Variants in TET1 observed in about 807,000 individuals in gnomAD.
TET1 encodes the protein tet methylcytosine dioxygenase 1, also known as methylcytosine dioxygenase TET1.
TET1 carries 13 observed loss-of-function variants against 148.7 expected under a neutral mutation model. The observed-to-expected ratio is 0.09, with a 90% CI of 0.06 to 0.14. The LOEUF is 0.14. Ranked by LOEUF, TET1 falls within the 10% of genes least tolerant of loss-of-function variation. The probability of loss-of-function intolerance (pLI) is 1.00; values close to 1 mark genes in which losing one functional copy is unlikely to be tolerated. For synonymous variants in TET1, 907 were observed against 937.2 expected (o/e 0.97, Z 0.59); for missense variants, 2,182 against 2,553.8 (o/e 0.85, Z 3.14).
intron 8 of TET1, chr10:68,673,538 C>G (rs920256138): frequency 7.6e-6 from 2 of 261,950 alleles, no homozygotes; most frequent in Admixed American, 4.8e-5. Context: ...AAGTTCAATA[C>G]TTATATATTA....
rs1409990134 is a variant in TET1 at position 68,673,934 on chromosome 10, TC to T, written c.4824+890del. On this transcript the variant is annotated intron_variant, in intron 8 of 11. Coordinates refer to ENST00000373644, the MANE Select transcript of TET1 (RefSeq NM_030625.3). Reference sequence around the variant, plus strand: ...TTTTTTTATCAGATTTCTTTCTTTTTCTTTTTTTTTTTTCTTTTTCTTTTTC... The same window carrying T: ...TTTTTTTATCAGATTTCTTTCTTTTTTTTTTTTTTTTTCTTTTTCTTTTTC... Among the ~76,000 whole-genome samples the T allele has an allele frequency of 3.3e-3, 333 of 101,522 alleles. 1 individual carries two copies. Among genetic ancestry groups the T allele is most frequent in the African/African-American group, 0.016 (308 of 19,446 alleles). The allele number at this position is 101,522 out of a possible 152,430, so 66.6% of individuals were successfully genotyped here.
chr10:68,621,189 A>T (rs2054365029), intron 3 of TET1, among the ~76,000 whole-genome samples: 2 of 152,110 alleles, frequency 1.3e-5, no homozygotes, highest in African/African-American at 4.8e-5. Flanking sequence ...TAATCCCAGC[A>T]ATTTGGGAAG....
At chr10:68,571,209 C>A (rs967294592) in intron 1 of TET1, among the ~76,000 whole-genome samples, 1 of 151,776 alleles carries the variant, frequency 6.6e-6, no homozygotes, top group Non-Finnish European at 1.5e-5. Context: ...AGGCTGGTCT[C>A]GAACTTCTGA....
At chr10:68,652,020 C>T (rs1272961981) in intron 5 of TET1, 84 bp downstream of exon 5, 1 of 1,264,926 alleles carries the variant, frequency 7.9e-7, no homozygotes, top group Non-Finnish European at 1.1e-6. Context: ...GAACAAACGC[C>T]GTGATTGAAA....
At chr10:68,655,863 G>A (rs2133130146) in intron 6 of TET1, among the ~76,000 whole-genome samples, 1 of 152,232 alleles carries the variant, frequency 6.6e-6, no homozygotes, top group East Asian at 1.9e-4. Context: ...CATGGCAGAA[G>A]GTGAGTGGCA....
rs778111044 is a variant in TET1 at position 68,573,735 on chromosome 10, T to C, written c.1397T>C (p.Ile466Thr). The change falls in exon 2 of 12, where the codon ATA (isoleucine) becomes ACA (threonine). Residue 466 changes from isoleucine (I) to threonine (T), a missense_variant. Physicochemically the swap from Ile to Thr is moderately conservative, Grantham distance 89. Transcript: ENST00000373644. ...TATGGACTTGCAGTCCAGGGTGCTA[T>C]ACAGATTTTGCCTTTGGGCTCAGGA... is the stretch of plus-strand genomic sequence containing the variant. ...VSYGLAVQGA[I>T]QILPLGSGHT... 6 of 1,614,088 alleles carry C rather than the reference T, an allele frequency of 3.7e-6. No individual in the cohort carries two copies. The highest frequency in any genetic ancestry group is 5.1e-6 in the Non-Finnish European group (6 of 1,180,036).
chr10:68,572,845 A>G lies in TET1; in HGVS notation c.507A>G (p.Ile169Met). 6.2e-7 allele frequency: 1 copy of G among 1,614,182 alleles called. No individual in the cohort carries two copies. The highest frequency in any genetic ancestry group is 8.5e-7 in the Non-Finnish European group (1 of 1,180,036). The change falls in exon 2 of 12, where the codon ATA becomes ATG. Residue 169 changes from isoleucine to methionine, a missense_variant. Ile to Met is a conservative substitution (Grantham distance 10). Around this residue, in one of 11 missense-constraint regions of TET1, gnomAD observed 665 missense variants for 672.4 expected, o/e 0.99. Coordinates refer to ENST00000373644, the MANE Select transcript of TET1 (RefSeq NM_030625.3). ...AAGACACCCAAGTCCTTCCTGATATAGAGACTCTAATTGGTGTACAAAATC... is the reference window on the plus strand; with the variant it reads ...AAGACACCCAAGTCCTTCCTGATATGGAGACTCTAATTGGTGTACAAAATC... ...PMQDTQVLPDIETLIGVQNPS... is the reference protein window; with the variant it reads ...PMQDTQVLPDMETLIGVQNPS...
chr10:68,598,439 T>TA (rs968325743), intron 2 of TET1, among the ~76,000 whole-genome samples: 22 of 151,936 alleles, frequency 1.4e-4, no homozygotes, highest in Non-Finnish European at 2.5e-4. Flanking sequence ...CATCACAATT[T>TA]AAAAAAAAAT....
rs764044033 is a variant in TET1 at position 68,600,952 on chromosome 10, G to A, written c.1915-29G>A. 1.0e-5 allele frequency: 16 copies of A among 1,592,298 alleles called. No individual in the cohort carries two copies. The South Asian group carries it at 1.6e-4, about 16-fold the overall frequency. The stretch of plus-strand genomic sequence containing the variant: ...GAGCTAATTTTATTTCTTAAACAGA[G>A]GCTCATTTTGCAATTTGATTTTTTT... On this transcript the variant is annotated intron_variant, in intron 2 of 11. Coordinates refer to ENST00000373644, the MANE Select transcript of TET1 (RefSeq NM_030625.3).
chr10:68,670,054 A>C (rs1295428250), intron 7 of TET1, among the ~76,000 whole-genome samples: 3 of 152,148 alleles, frequency 2.0e-5, no homozygotes, highest in Non-Finnish European at 4.4e-5. Context: ...TTCTTTCTTG[A>C]TCATTTGAGA....
intron 2 of TET1, among the ~76,000 whole-genome samples, chr10:68,586,641 G>GTT (rs34588085): frequency 2.0e-4 from 29 of 142,020 alleles, no homozygotes; most frequent in East Asian, 4.1e-4. Context: ...CCTCACATCA[G>GTT]TTTTTTTTTT....
chr10:68,596,027 C>CACACACACACACATAT (rs71470531), intron 2 of TET1, among the ~76,000 whole-genome samples: 1 of 61,734 alleles, frequency 1.6e-5, no homozygotes, highest in Non-Finnish European at 2.9e-5. Context: ...CACACACACA[C>CACACACACACACATAT]ATATATATAT....
rs771991819 is a variant in TET1 at position 68,572,986 on chromosome 10, G to A, written c.648G>A (p.Gly216=). ...GCCCTGCAGCTGAGATCCTTCCTGG[G>A]CCACTGGAAGGGACACGCTGTGGTG... ...HSGPAAEILP[G]PLEGTRCGEG... Residue 216 remains glycine (G), a synonymous_variant, in exon 2 of 12, where the codon GGG becomes GGA. Coordinates refer to ENST00000373644, the MANE Select transcript of TET1 (RefSeq NM_030625.3). 1.2e-6 allele frequency: 2 copies of A among 1,614,110 alleles called. No homozygotes were observed. The highest frequency in any genetic ancestry group is 1.7e-6 in the Non-Finnish European group (2 of 1,180,032).
Position 68,573,144 on chromosome 10 carries a change from A to G in TET1, c.806A>G (p.Gln269Arg). ...ACCTCTCAAGGAAACCCCAGCATTC[A>G]GTTAGAAGAGTTGGGTTCACGAGTA... ...KVTSQGNPSI[Q>R]LEELGSRVES... Residue 269 changes from glutamine (Q) to arginine (R), a missense_variant, in exon 2 of 12, where the codon CAG becomes CGG. Gln to Arg is a conservative substitution (Grantham distance 43, BLOSUM62 1). This residue lies in a region of TET1 where 665 missense variants were observed against 672.4 expected (regional missense o/e 0.99). Transcript: ENST00000373644. The G allele has an allele frequency of 6.2e-7, 1 of 1,614,156 alleles. No homozygotes were observed. The highest frequency in any genetic ancestry group is 8.5e-7 in the Non-Finnish European group (1 of 1,180,020).
intron 7 of TET1, among the ~76,000 whole-genome samples, chr10:68,670,658 T>C (rs755611279): frequency 2.9e-4 from 44 of 152,190 alleles, no homozygotes; most frequent in Admixed American, 2.4e-3. Flanking sequence ...TCCATGTCTT[T>C]TTCAATGATA....
intron 3 of TET1, among the ~76,000 whole-genome samples, chr10:68,631,407 C>A (rs1037413554): frequency 1.3e-5 from 2 of 149,810 alleles, no homozygotes; most frequent in African/African-American, 4.9e-5. Context: ...AGCTAACTAT[C>A]CCCAGAAGAT....
intron 4 of TET1, among the ~76,000 whole-genome samples, chr10:68,651,553 A>T (rs1372525180): frequency 6.6e-6 from 1 of 150,654 alleles, no homozygotes; most frequent in African/African-American, 2.4e-5. Flanking sequence ...ATTAATACAG[A>T]TTTTTTTTTT....
chr10:68,672,620 T>G (rs951122218), intron 7 of TET1, among the ~76,000 whole-genome samples: 4 of 151,656 alleles, frequency 2.6e-5, no homozygotes, highest in African/African-American at 9.7e-5. Context: ...TTATTCCCAC[T>G]TATTTGGATT....
chr10:68,600,743 T>A (rs574389816), intron 2 of TET1, among the ~76,000 whole-genome samples: 4 of 152,316 alleles, frequency 2.6e-5, no homozygotes, highest in Admixed American at 1.3e-4. Context: ...AGAGGCTAAT[T>A]AAGACAGACT....
Sources: gnomAD v4.1 joint callset for allele counts (sites outside exome capture counted in the v4.1 genomes callset) on GRCh38, gnomAD v4.1.1 for gene constraint, gnomAD v4.1.1 regional missense constraint, MANE v1.5 for transcripts, NCBI Gene and HGNC (gene_info 2026-07-23, HGNC 2026-07-21) for gene names.